Variants in REN observed in about 807,000 individuals in gnomAD.
REN encodes the protein angiotensin-forming enzyme.
A neutral mutation model predicts 48.6 loss-of-function variants in REN; 42 were observed. The ratio of observed to expected loss-of-function variants is 0.86; its 90% CI spans 0.68 to 1.12. The LOEUF (loss-of-function observed/expected upper bound fraction) is 1.12. REN is among the 50% of genes most tolerant of loss of function. The pLI is 0.00. For missense variants in REN, 443 were observed against 527.3 expected, an observed-to-expected ratio of 0.84 and a Z score of 1.57; for synonymous variants, 196 against 204.6, an observed-to-expected ratio of 0.96 and a Z score of 0.36.
At chr1:204,157,314 G>A (rs759603734) in intron 6 of REN, 47 bp downstream of exon 6, 16 of 1,613,496 alleles carry the variant, frequency 9.9e-6, no homozygotes, top group Non-Finnish European at 1.4e-5. Flanking sequence ...TCAGGTGCTC[G>A]GGGAGTACTG....
chr1:204,155,780 C>T (rs1323109653), intron 9 of REN, 40 bp downstream of exon 9: 6 of 1,439,558 alleles, frequency 4.2e-6, no homozygotes, highest in Non-Finnish European at 4.9e-6. Context: ...CTCTGTCCAG[C>T]CTTTCTCCCT....
chr1:204,160,755 G>T, intron 3 of REN, 77 bp from the exon 4 acceptor site: 4 of 1,022,536 alleles, frequency 3.9e-6, no homozygotes, highest in Non-Finnish European at 6.2e-6. Flanking sequence ...TGCATTGTGG[G>T]TATGGCTGGT....
intron 3 of REN, 129 bp downstream of exon 3, chr1:204,161,162 TG>T (rs1658239422): frequency 2.9e-6 from 3 of 1,043,526 alleles, no homozygotes; most frequent in South Asian, 3.8e-5. Flanking sequence ...TACATGTCAG[TG>T]GGCACAGAGG....
chr1:204,161,565 T>A, intron 2 of REN, 150 bp from the exon 3 acceptor site: 1 of 705,438 alleles, frequency 1.4e-6, no homozygotes, highest in Non-Finnish European at 2.1e-6. Context: ...CAGGAACTGG[T>A]AGGAGGCTTA....
intron 5 of REN, among the ~76,000 whole-genome samples, chr1:204,157,979 C>T (rs1163748144): frequency 1.3e-5 from 2 of 152,144 alleles, no homozygotes; most frequent in African/African-American, 4.8e-5. Context: ...TTTAGCTCCT[C>T]TTCTTTCCAC....
chr1:204,158,957 T>C (rs1658196923), intron 5 of REN, among the ~76,000 whole-genome samples: 1 of 152,180 alleles, frequency 6.6e-6, no homozygotes, highest in Non-Finnish European at 1.5e-5. Flanking sequence ...TGACTGAAGT[T>C]GGCTGTCTCT....
Position 204,156,715 on chromosome 1 carries a change from G to T in REN, c.780C>A (p.Asn260Lys). The change falls in exon 7 of 10, where the codon AAC becomes AAA. Residue 260 changes from asparagine (N) to lysine (K), a missense_variant. Transcript: ENST00000272190. The surrounding 1 kb of genome is among the most constrained non-coding windows in gnomAD (Gnocchi z 4.2). Reference protein sequence around the residue: ...QHYEGNFHYINLIKTGVWQIQ... With the variant: ...QHYEGNFHYIKLIKTGVWQIQ... ...TCTGCCAGACACCAGTCTTGATGAG[G>T]TTGATATAGTGGAAATTCCCTTCGT... 6.2e-7 allele frequency: 1 copy of T among 1,614,116 alleles called. No individual in the cohort carries two copies. Among genetic ancestry groups the T allele is most frequent in the Non-Finnish European group, 8.5e-7 (1 of 1,180,006 alleles).
In REN at chr1:204,160,632, G is replaced by C; in HGVS notation, c.420C>G (p.His140Gln). The C allele has an allele frequency of 6.2e-7, 1 of 1,614,184 alleles. No individual in the cohort carries two copies. Among genetic ancestry groups the C allele is most frequent in the Non-Finnish European group, 8.5e-7 (1 of 1,180,014 alleles). Reference sequence around the variant, plus strand: ...AGCGGAGGGTGAGTTCTGTTCCATTGTGCTTGTAGCTGGAGGAATCCGAAG... The same window carrying C: ...AGCGGAGGGTGAGTTCTGTTCCATTCTGCTTGTAGCTGGAGGAATCCGAAG... ...FDASDSSSYK[H>Q]NGTELTLRYS... The change falls in exon 4 of 10, where the codon CAC (histidine) becomes CAG (glutamine). Residue 140 changes from histidine to glutamine, a missense_variant. Coordinates refer to ENST00000272190, the MANE Select transcript of REN (RefSeq NM_000537.4).
intron 1 of REN, among the ~76,000 whole-genome samples, chr1:204,163,991 T>C (rs1386862991): frequency 1.3e-5 from 2 of 152,222 alleles, no homozygotes; most frequent in Non-Finnish European, 2.9e-5. Flanking sequence ...ACCTTGAGAA[T>C]GGAGCTCATT....
rs1263286125 is a variant in REN at position 204,166,299 on chromosome 1, C to T, written c.-6G>A. ...ATCCTTCTCCATCCATCCATGCTTC[C>T]CTCAGTCTGGGGCTCTCTCTGAGAT... On this transcript the variant is annotated 5_prime_UTR_variant, in exon 1 of 10. Transcript: ENST00000272190. The T allele has an allele frequency of 6.2e-7, 1 of 1,613,748 alleles. No homozygotes were observed. The highest frequency in any genetic ancestry group is 1.3e-5 in the African/African-American group (1 of 74,922).
At position 204,160,680 on chromosome 1, in the gene REN, T is replaced by C; in HGVS notation, c.374-2A>G. The stretch of plus-strand genomic sequence containing the variant: ...AAGCATCGAAGAGCTTGTGATACAC[T>C]GGCAGGGGGACAGAGGCTCAGGTTT... On this transcript the variant is annotated splice_acceptor_variant, in intron 3 of 9. Coordinates refer to ENST00000272190, the MANE Select transcript of REN (RefSeq NM_000537.4). LOFTEE classifies it high-confidence loss of function. 1 of 1,608,710 alleles carries C rather than the reference T, an allele frequency of 6.2e-7. No homozygotes were observed. The highest frequency in any genetic ancestry group is 8.5e-7 in the Non-Finnish European group (1 of 1,175,012).
intron 1 of REN, 149 bp downstream of exon 1, chr1:204,166,047 A>G (rs1197643410): frequency 4.2e-6 from 3 of 721,814 alleles, no homozygotes; most frequent in Non-Finnish European, 7.6e-6. Flanking sequence ...TTTATTGGGC[A>G]AGTCACTTGA....
rs567503598 is a variant in REN, at chr1:204,156,233, G to A, written c.905C>T (p.Thr302Ile). 5 of 1,614,244 alleles carry A rather than the reference G, an allele frequency of 3.1e-6. No individual in the cohort carries two copies. The South Asian group carries it at 4.4e-5, about 14-fold the overall frequency. ...CTCCATGAGCTTCTCTATGGAGCTG[G>A]TAGAACCTGAGATGTAGGATGCACC... ...DTGASYISGS[T>I]SSIEKLMEAL... The change falls in exon 8 of 10, where the codon ACC becomes ATC. Residue 302 changes from threonine (T) to isoleucine (I), a missense_variant. Transcript: ENST00000272190. This position sits in a 1 kb window ranked among gnomAD's most constrained non-coding sequence, Gnocchi z 4.2.
In REN at chr1:204,159,422, G is replaced by A. The variant is rs773236366; in HGVS notation, c.666C>T (p.Asp222=). ...ACCTGTTGTAGTAGAAAGAGAAGACGTCCTCTTTTAGCACCCCTTGGGAGA... is the reference window on the plus strand; with the variant it reads ...ACCTGTTGTAGTAGAAAGAGAAGACATCCTCTTTTAGCACCCCTTGGGAGA... ...NIISQGVLKE[D]VFSFYYNRDS... The change falls in exon 5 of 10, where the codon GAC becomes GAT. Residue 222 remains aspartate, a synonymous_variant. Transcript: ENST00000272190. 7.4e-6 allele frequency: 12 copies of A among 1,613,802 alleles called. No homozygotes were observed. The highest frequency in any genetic ancestry group is 4.5e-5 in the East Asian group (2 of 44,878).
chr1:204,156,608 T>TA lies in REN; in HGVS notation c.818+68_818+69insT. Reference sequence around the variant, plus strand: ...GAGGGCAGGATGGTAATGCAGTCCTTCCCCACCCTCCCCAACCCCAGTGAC... The same window carrying TA: ...GAGGGCAGGATGGTAATGCAGTCCTTACCCCACCCTCCCCAACCCCAGTGAC... On this transcript the variant is annotated intron_variant, in intron 7 of 9. Coordinates refer to ENST00000272190, the MANE Select transcript of REN (RefSeq NM_000537.4). The surrounding 1 kb of genome is among the most constrained non-coding windows in gnomAD (Gnocchi z 4.2). 1 of 1,592,852 alleles carries TA rather than the reference T, an allele frequency of 6.3e-7. No homozygotes were observed. The highest frequency in any genetic ancestry group is 8.6e-7 in the Non-Finnish European group (1 of 1,161,740).
At position 204,163,083 on chromosome 1, in the gene REN, G is replaced by A. The variant is rs11571103; in HGVS notation, c.99-920C>T. On this transcript the variant is annotated intron_variant, in intron 1 of 9. Coordinates refer to ENST00000272190, the MANE Select transcript of REN (RefSeq NM_000537.4). Reference sequence around the variant, plus strand: ...AGGGTCCCCTGGGTCCCGACATAAAGGCTGCCAAAGCCCAGAGGAAGATGT... The same window carrying A: ...AGGGTCCCCTGGGTCCCGACATAAAAGCTGCCAAAGCCCAGAGGAAGATGT... Among the ~76,000 whole-genome samples the A allele has an allele frequency of 8.1e-4, 123 of 152,312 alleles. 2 individuals carry two copies. The East Asian group carries it at 0.022, about 27-fold the overall frequency.
chr1:204,161,492 GCT>G, intron 2 of REN, 77 bp from the exon 3 acceptor site: 1 of 1,339,966 alleles, frequency 7.5e-7, no homozygotes, highest in Non-Finnish European at 9.7e-7. Context: ...TTCACTCTTG[GCT>G]CTCGGTGTGA....
intron 4 of REN, 111 bp downstream of exon 4, chr1:204,160,449 G>A (rs751083384): frequency 8.9e-6 from 7 of 788,178 alleles, no homozygotes; most frequent in Middle Eastern, 2.9e-4. Context: ...AGCTCCCCAG[G>A]CTCCAAGTGG....
intron 3 of REN, among the ~76,000 whole-genome samples, chr1:204,160,979 A>G (rs1037980159): frequency 6.6e-6 from 1 of 152,200 alleles, no homozygotes; most frequent in African/African-American, 2.4e-5. Flanking sequence ...GTTGATTAAG[A>G]CTAGGGATGG....
Sources: allele counts gnomAD v4.1 joint callset (sites outside exome capture counted in the v4.1 genomes callset), GRCh38; gene constraint gnomAD v4.1.1; non-coding constraint Gnocchi (gnomAD v3.1); transcripts MANE v1.5; gene names NCBI Gene and HGNC (gene_info 2026-07-23, HGNC 2026-07-21).